Variants in DOK6 observed in about 807,000 individuals in gnomAD.
DOK6 encodes the protein downstream of tyrosine kinase 6.
Under a neutral mutation model 44.0 loss-of-function variants are expected in DOK6, and 22 were observed. That is an observed-to-expected ratio of 0.50 (90% CI 0.36 to 0.71). The LOEUF is 0.71. Ranked by LOEUF, DOK6 falls within the 30% of genes least tolerant of loss-of-function variation. DOK6 has a pLI of 0.00. For synonymous variants in DOK6, 166 were observed against 145.5 expected, an observed-to-expected ratio of 1.14 and a Z score of -1.01; for missense variants, 340 against 416.4, an observed-to-expected ratio of 0.82 and a Z score of 1.60.
At chr18:69,425,120 G>A (rs367723085) in intron 1 of DOK6, among the ~76,000 whole-genome samples, 1 of 152,192 alleles carries the variant, frequency 6.6e-6, no homozygotes, top group East Asian at 1.9e-4. Flanking sequence ...GGCAAAAAGT[G>A]CAAGGAAGGG....
intron 7 of DOK6, among the ~76,000 whole-genome samples, chr18:69,778,196 A>G (rs1393985384): frequency 6.6e-6 from 1 of 152,200 alleles, no homozygotes; most frequent in Non-Finnish European, 1.5e-5. Context: ...GGAATTGAAC[A>G]TACAGGTTTT....
chr18:69,614,013 A>T (rs1984224381), intron 3 of DOK6, among the ~76,000 whole-genome samples: 2 of 36,058 alleles, frequency 5.5e-5, no homozygotes, highest in Admixed American at 5.3e-4. Flanking sequence ...AAGTTTTCTG[A>T]GTATTATTAC....
chr18:69,650,223 T>TATGTATTTG (rs1985188136), intron 3 of DOK6, among the ~76,000 whole-genome samples: 2 of 152,202 alleles, frequency 1.3e-5, no homozygotes, highest in African/African-American at 4.8e-5. Context: ...TGGTTGATTT[T>TATGTATTTG]ATGTATTTGT....
At chr18:69,574,492 A>G (rs1294171591) in intron 2 of DOK6, among the ~76,000 whole-genome samples, 1 of 152,068 alleles carries the variant, frequency 6.6e-6, no homozygotes, top group Non-Finnish European at 1.5e-5. Context: ...GTGACACTTA[A>G]GGGACTTCTT....
chr18:69,420,150 A>C (rs1200583286), intron 1 of DOK6, among the ~76,000 whole-genome samples: 3 of 152,088 alleles, frequency 2.0e-5, no homozygotes, highest in African/African-American at 7.2e-5. Context: ...AGCAAAGTAC[A>C]TTGCTGTTTT....
chr18:69,748,177 T>G (rs1979051087), intron 6 of DOK6, among the ~76,000 whole-genome samples: 1 of 151,848 alleles, frequency 6.6e-6, no homozygotes, highest in Non-Finnish European at 1.5e-5. Context: ...AGGGGTCAAT[T>G]TAACAAGAAG....
At chr18:69,728,771 C>T (rs1978326201) in intron 5 of DOK6, among the ~76,000 whole-genome samples, 1 of 152,184 alleles carries the variant, frequency 6.6e-6, no homozygotes. Context: ...CAACTACAAG[C>T]TGGTTCAGAG....
rs571740015 is a variant in DOK6 at position 69,771,621 on chromosome 18, C to A, written c.856+13748C>A. Among the ~76,000 whole-genome samples the A allele has an allele frequency of 9.2e-5, 14 of 151,624 alleles. No individual in the cohort carries two copies. In the South Asian group the frequency reaches 1.9e-3, roughly 20 times the overall value. On this transcript the variant is annotated intron_variant, in intron 7 of 7. Transcript: ENST00000382713. ...CTGGGGATGTATCTCATTTACAGAGCGCAAAATCACTGTGGTCACCATCTC... is the reference window on the plus strand; with the variant it reads ...CTGGGGATGTATCTCATTTACAGAGAGCAAAATCACTGTGGTCACCATCTC...
At chr18:69,485,487 A>G (rs909538749) in intron 1 of DOK6, among the ~76,000 whole-genome samples, 3 of 152,146 alleles carry the variant, frequency 2.0e-5, no homozygotes, top group African/African-American at 7.2e-5. Context: ...GAATAAAGGC[A>G]AGAGGGCATA....
At chr18:69,490,429 G>A (rs981606475) in intron 1 of DOK6, among the ~76,000 whole-genome samples, 6 of 152,168 alleles carry the variant, frequency 3.9e-5, no homozygotes, top group Admixed American at 2.0e-4. Flanking sequence ...CTGGACTGTG[G>A]AAAGCTGAAG....
At chr18:69,718,752 C>A (rs1222931030) in intron 5 of DOK6, among the ~76,000 whole-genome samples, 1 of 152,076 alleles carries the variant, frequency 6.6e-6, no homozygotes, top group Non-Finnish European at 1.5e-5. Flanking sequence ...CTGTGAGCAC[C>A]TACTTCATCC....
chr18:69,689,971 C>A (rs145107139), intron 4 of DOK6, among the ~76,000 whole-genome samples: 3 of 152,018 alleles, frequency 2.0e-5, no homozygotes, highest in African/African-American at 7.2e-5. Flanking sequence ...TAAATACTTT[C>A]AGTATAATAA....
chr18:69,463,249 G>A (rs1231036075), intron 1 of DOK6, among the ~76,000 whole-genome samples: 1 of 152,078 alleles, frequency 6.6e-6, no homozygotes, highest in Non-Finnish European at 1.5e-5. Context: ...TCTGCCCTCT[G>A]TACCTAATAA....
intron 1 of DOK6, among the ~76,000 whole-genome samples, chr18:69,542,407 T>C (rs1216384100): frequency 6.6e-6 from 1 of 151,490 alleles, no homozygotes; most frequent in Admixed American, 6.6e-5. Context: ...AAGATGTTAG[T>C]TATTATTACT....
rs139887420 is a variant in DOK6 at position 69,576,100 on chromosome 18, G to C, written c.174+11506G>C. Among the ~76,000 whole-genome samples the C allele has an allele frequency of 7.0e-3, 1,061 of 152,166 alleles. 4 individuals are homozygous for C. The highest frequency in any genetic ancestry group is 0.014 in the South Asian group (66 of 4,824). ...TGTACATTGGCCAAGTTGTAAATTT[G>C]GTCATAGTTGCCTCTGAGGTGCAGG... On this transcript the variant is annotated intron_variant, in intron 2 of 7. Transcript: ENST00000382713.
chr18:69,454,804 C>G (rs938076629), intron 1 of DOK6, among the ~76,000 whole-genome samples: 3 of 145,402 alleles, frequency 2.1e-5, no homozygotes, highest in African/African-American at 7.6e-5. Flanking sequence ...TAAACTGTCG[C>G]AAGAACAAAA....
At chr18:69,741,566 C>T (rs1978799558) in intron 6 of DOK6, among the ~76,000 whole-genome samples, 1 of 152,176 alleles carries the variant, frequency 6.6e-6, no homozygotes, top group Non-Finnish European at 1.5e-5. Flanking sequence ...GATGTGAACA[C>T]AGCTCACTGC....
intron 4 of DOK6, among the ~76,000 whole-genome samples, chr18:69,685,149 G>A (rs985426684): frequency 3.3e-4 from 50 of 152,024 alleles, no homozygotes; most frequent in Non-Finnish European, 7.4e-5. Flanking sequence ...AACACAAAAA[G>A]AAACAATATA....
intron 7 of DOK6, among the ~76,000 whole-genome samples, chr18:69,837,416 C>A (rs184655727): frequency 6.6e-6 from 1 of 152,114 alleles, no homozygotes; most frequent in Non-Finnish European, 1.5e-5. Context: ...ATGACAGAGC[C>A]CTCATGACCT....
Sources: allele counts gnomAD v4.1 joint callset (sites outside exome capture counted in the v4.1 genomes callset), GRCh38; gene constraint gnomAD v4.1.1; transcripts MANE v1.5; gene names NCBI Gene and HGNC (gene_info 2026-07-23, HGNC 2026-07-21).